The following FBXO25 variants were observed in gnomAD, a reference collection of about 807,000 sequenced individuals.
FBXO25 encodes F-box protein 25, also known as F-box only protein 25.
In FBXO25, 45 loss-of-function variants were observed where a neutral mutation model predicts 51.9. The observed-to-expected ratio is 0.87, with a 90% CI of 0.68 to 1.11. The LOEUF is 1.11. Ranked by LOEUF, FBXO25 falls within the 50% of genes most tolerant of loss-of-function variation. The pLI, the probability that FBXO25 is intolerant of heterozygous loss-of-function variation, is 0.00. For synonymous variants in FBXO25, 199 were observed against 151.0 expected, an observed-to-expected ratio of 1.32 and a Z score of -2.33; for missense variants, 507 against 428.5, an observed-to-expected ratio of 1.18 and a Z score of -1.62.
chr8:450,133 G>T, intron 6 of FBXO25, 50 bp downstream of exon 6: 1 of 1,376,036 alleles, frequency 7.3e-7, no homozygotes, highest in Non-Finnish European at 1.0e-6. Flanking sequence ...TTAGAAATTT[G>T]GTGCAAGGAG....
chr8:421,084 G>C (rs570481061), intron 2 of FBXO25, among the ~76,000 whole-genome samples: 11 of 152,262 alleles, frequency 7.2e-5, no homozygotes, highest in Non-Finnish European at 1.3e-4. Flanking sequence ...GAGGTGAGCA[G>C]AGGGCAGGCA....
chr8:411,163 G>A (rs185525707), intron 1 of FBXO25, among the ~76,000 whole-genome samples: 23 of 152,264 alleles, frequency 1.5e-4, no homozygotes, highest in South Asian at 6.2e-4. Context: ...TGTTCGGGAC[G>A]TGAAATTAAA....
intron 5 of FBXO25, among the ~76,000 whole-genome samples, chr8:442,204 C>T (rs1798467633): frequency 6.6e-6 from 1 of 152,086 alleles, no homozygotes; most frequent in Non-Finnish European, 1.5e-5. Flanking sequence ...AAGTAGTAGG[C>T]ACTTGTTATT....
rs182729250 is a variant in FBXO25 at position 476,013 on chromosome 8, A to C, written c.*7209A>C. ...TATTGAATATGATGTTTACAGTGGG[A>C]TGTTCATATGGCCTCTATTTTAGGT... On this transcript the variant is annotated 3_prime_UTR_variant, in exon 10 of 10. Coordinates refer to ENST00000350302, the MANE Select transcript of FBXO25 (RefSeq NM_183420.2). 2.0e-5 allele frequency: 3 copies of C among 152,146 alleles called. No individual in the cohort carries two copies. Among genetic ancestry groups the C allele is most frequent in the Admixed American group, 2.0e-4 (3 of 15,302 alleles). 9.4% of individuals were successfully genotyped at this position (152,146 alleles called of 1,614,324 possible).
chr8:408,034 C>A (rs1430659249), intron 1 of FBXO25, among the ~76,000 whole-genome samples: 1 of 152,208 alleles, frequency 6.6e-6, no homozygotes, highest in Non-Finnish European at 1.5e-5. Flanking sequence ...CTTTCATATT[C>A]TGTTTTCTCC....
In FBXO25 at chr8:472,098, T is replaced by C. The variant is rs534400207; in HGVS notation, c.*3294T>C. ...CCGTTTCGCTGGCTAGAATCTCTAGTACAATGTTGAATAGCAGTGCGAGAG... is the reference window on the plus strand; with the variant it reads ...CCGTTTCGCTGGCTAGAATCTCTAGCACAATGTTGAATAGCAGTGCGAGAG... On this transcript the variant is annotated 3_prime_UTR_variant, in exon 10 of 10. Coordinates refer to ENST00000350302, the MANE Select transcript of FBXO25 (RefSeq NM_183420.2). The C allele has an allele frequency of 4.2e-4, 64 of 152,318 alleles. No individual in the cohort carries two copies. The highest frequency in any genetic ancestry group is 1.4e-3 in the African/African-American group (58 of 41,574). 9.4% of individuals were successfully genotyped at this position (152,318 alleles called of 1,614,324 possible).
At chr8:442,823 C>G (rs1585058182) in intron 5 of FBXO25, among the ~76,000 whole-genome samples, 1 of 152,276 alleles carries the variant, frequency 6.6e-6, no homozygotes, top group Admixed American at 6.5e-5. Context: ...ATTTCCTAAG[C>G]AAGACTTTTC....
intron 2 of FBXO25, among the ~76,000 whole-genome samples, chr8:415,578 A>G (rs1229074359): frequency 6.6e-6 from 1 of 152,154 alleles, no homozygotes; most frequent in African/African-American, 2.4e-5. Context: ...GACAGGTGAG[A>G]AATGTTGAGT....
At chr8:434,594 A>G (rs954523563) in intron 4 of FBXO25, among the ~76,000 whole-genome samples, 5 of 152,210 alleles carry the variant, frequency 3.3e-5, no homozygotes, top group East Asian at 1.9e-4. Flanking sequence ...CAAAGGTGCT[A>G]TGACTCCAGC....
At chr8:423,238 GC>G (rs1797262985) in intron 2 of FBXO25, among the ~76,000 whole-genome samples, 1 of 152,144 alleles carries the variant, frequency 6.6e-6, no homozygotes, top group South Asian at 2.1e-4. Flanking sequence ...GTCAGCTGGG[GC>G]TAGAGTCTTC....
rs1334315558 is a variant in FBXO25 at position 407,262 on chromosome 8, G to C, written c.-8+196G>C. 3 of 744,258 alleles carry C rather than the reference G, an allele frequency of 4.0e-6. No individual in the cohort carries two copies. In the African/African-American group the frequency reaches 5.9e-5, roughly 15 times the overall value. The allele number at this position is 744,258 out of a possible 1,614,324, so 46.1% of individuals were successfully genotyped here. A position where few individuals can be genotyped will look rare whatever the true frequency, so the allele number is the denominator to read the frequency against. On this transcript the variant is annotated intron_variant, in intron 1 of 9. Coordinates refer to ENST00000350302, the MANE Select transcript of FBXO25 (RefSeq NM_183420.2). ...TCAGGTGGGGACGGGGCCTGTGGGA[G>C]GGTCAGGTGGGGACCGGGGGCCTCG... is the stretch of plus-strand genomic sequence containing the variant.
chr8:456,074 A>G (rs943187029), intron 7 of FBXO25, among the ~76,000 whole-genome samples: 3 of 152,238 alleles, frequency 2.0e-5, no homozygotes, highest in Admixed American at 6.5e-5. Context: ...TAGCAGCAGA[A>G]TATTTGTAAA....
chr8:414,193 T>C (rs1412638721), intron 2 of FBXO25, among the ~76,000 whole-genome samples: 8 of 152,244 alleles, frequency 5.3e-5, no homozygotes, highest in Non-Finnish European at 8.8e-5. Flanking sequence ...TTTAAACTTA[T>C]ATTGTAGCAG....
intron 2 of FBXO25, among the ~76,000 whole-genome samples, chr8:418,742 C>CTAGG (rs1796970098): frequency 6.6e-6 from 1 of 152,158 alleles, no homozygotes; most frequent in Non-Finnish European, 1.5e-5. Flanking sequence ...TTACAAAACA[C>CTAGG]TAGGATGCAC....
rs1397042589 is a variant in FBXO25 at position 410,192 on chromosome 8, G to T, written c.-7-2881G>T. Among the ~76,000 whole-genome samples the T allele has an allele frequency of 2.6e-5, 4 of 152,130 alleles. No individual in the cohort carries two copies. The East Asian group carries it at 5.8e-4, about 22-fold the overall frequency. ...AAGTTACAAGATTGTGGACATATCT[G>T]TATGTATGTATACATGCACACTCAC... On this transcript the variant is annotated intron_variant, in intron 1 of 9. Coordinates refer to ENST00000350302, the MANE Select transcript of FBXO25 (RefSeq NM_183420.2).
chr8:451,567 T>TA, intron 7 of FBXO25, 114 bp downstream of exon 7: 1 of 956,748 alleles, frequency 1.0e-6, no homozygotes, highest in Non-Finnish European at 1.5e-6. Flanking sequence ...TTCTAATGCT[T>TA]TCATAAGTAT....
intron 2 of FBXO25, among the ~76,000 whole-genome samples, chr8:422,951 T>C (rs1467415654): frequency 1.3e-5 from 2 of 152,062 alleles, no homozygotes; most frequent in African/African-American, 2.4e-5. Flanking sequence ...TGTATATGAA[T>C]TATGCCTCAG....
rs1800670410 is a variant in FBXO25, at chr8:477,150, T to TTTTA, written c.*8350_*8353dup. On this transcript the variant is annotated 3_prime_UTR_variant, in exon 10 of 10. Coordinates refer to ENST00000350302, the MANE Select transcript of FBXO25 (RefSeq NM_183420.2). ...CATCCCACTGTGGCCAGAAAAGATA[T>TTTTA]TTTATTTCCTCAGTCTTTTGAAATT... 1 of 152,204 alleles carries TTTTA rather than the reference T, an allele frequency of 6.6e-6. No homozygotes were observed. Among genetic ancestry groups the TTTTA allele is most frequent in the African/African-American group, 2.4e-5 (1 of 41,460 alleles). 9.4% of individuals were successfully genotyped at this position (152,204 alleles called of 1,614,324 possible).
chr8:463,251 GTT>G (rs2116827986), intron 9 of FBXO25, 101 bp downstream of exon 9: 1 of 1,304,328 alleles, frequency 7.7e-7, no homozygotes, highest in East Asian at 2.3e-5. Flanking sequence ...GGAAAATACT[GTT>G]TGTTATAAGT....
Sources: gnomAD v4.1 joint callset for allele counts (sites outside exome capture counted in the v4.1 genomes callset) on GRCh38, gnomAD v4.1.1 for gene constraint, MANE v1.5 for transcripts, NCBI Gene and HGNC (gene_info 2026-07-23, HGNC 2026-07-21) for gene names.